The following DHX35 variants were observed in gnomAD, a reference collection of about 807,000 sequenced individuals.
The protein encoded by DHX35 is probable ATP-dependent RNA helicase DHX35.
DHX35 carries 84 observed loss-of-function variants against 99.6 expected under a neutral mutation model. The ratio of observed to expected loss-of-function variants is 0.84; its 90% CI spans 0.71 to 1.01. The LOEUF (loss-of-function observed/expected upper bound fraction) is 1.01. Ranked by LOEUF, DHX35 falls within the 50% of genes least tolerant of loss-of-function variation. The pLI, the probability that DHX35 is intolerant of heterozygous loss-of-function variation, is 0.00. For missense variants in DHX35, 852 were observed against 888.5 expected, an observed-to-expected ratio of 0.96 and a Z score of 0.52; for synonymous variants, 331 against 316.2, an observed-to-expected ratio of 1.05 and a Z score of -0.50.
At chr20:39,034,774 C>CTTTTTTTT (rs59858652) in intron 21 of DHX35, among the ~76,000 whole-genome samples, 4 of 135,104 alleles carry the variant, frequency 3.0e-5, no homozygotes, top group African/African-American at 5.4e-5. Context: ...TTTCTTTTTT[C>CTTTTTTTT]TTTTTTTTTT....
intron 20 of DHX35, among the ~76,000 whole-genome samples, chr20:39,032,550 G>GGT (rs1269317901): frequency 6.6e-6 from 1 of 152,160 alleles, no homozygotes; most frequent in Non-Finnish European, 1.5e-5. Flanking sequence ...AAAAGGGTGG[G>GGT]GTGTGTGTGA....
chr20:38,999,583 C>A (rs73908227), intron 8 of DHX35, among the ~76,000 whole-genome samples: 3,078 of 152,272 alleles, frequency 0.02, 113 homozygotes, highest in African/African-American at 0.071. Flanking sequence ...TTTTTATCCC[C>A]GGTCGAGTAA....
intron 3 of DHX35, among the ~76,000 whole-genome samples, chr20:38,974,979 G>A (rs1351764187): frequency 6.6e-6 from 1 of 152,212 alleles, no homozygotes; most frequent in Admixed American, 6.5e-5. Context: ...GGTTAAGGGT[G>A]TCTAAGGGTA....
At chr20:38,989,120 C>T in intron 5 of DHX35, among the ~76,000 whole-genome samples, 1 of 133,248 alleles carries the variant, frequency 7.5e-6, no homozygotes. Context: ...TTTTTTGAGA[C>T]AGAGTCTCTC....
intron 11 of DHX35, among the ~76,000 whole-genome samples, chr20:39,004,260 T>C (rs554880206): frequency 6.6e-6 from 1 of 152,204 alleles, no homozygotes; most frequent in Admixed American, 6.5e-5. Context: ...AGAGACGGGG[T>C]TTCACTAAGT....
chr20:39,019,997 C>A (rs2086847811), intron 15 of DHX35, among the ~76,000 whole-genome samples: 1 of 152,160 alleles, frequency 6.6e-6, no homozygotes, highest in Admixed American at 6.5e-5. Flanking sequence ...GTTTGTCTTT[C>A]TGTGCCTGCC....
intron 13 of DHX35, among the ~76,000 whole-genome samples, chr20:39,014,250 G>T (rs2086747161): frequency 6.6e-6 from 1 of 152,164 alleles, no homozygotes; most frequent in African/African-American, 2.4e-5. Flanking sequence ...TGGCACTTAG[G>T]TGCTCAGTCA....
At chr20:39,036,115 G>A (rs548149496) in intron 21 of DHX35, among the ~76,000 whole-genome samples, 58 of 152,278 alleles carry the variant, frequency 3.8e-4, no homozygotes, top group African/African-American at 1.3e-3. Context: ...ATGGTGCAGT[G>A]GTCAAAATGC....
At chr20:39,008,436 A>G (rs1312126323) in intron 12 of DHX35, among the ~76,000 whole-genome samples, 1 of 152,228 alleles carries the variant, frequency 6.6e-6, no homozygotes, top group East Asian at 1.9e-4. Flanking sequence ...AGCTCAAGTT[A>G]CTTTTAAAGA....
intron 4 of DHX35, among the ~76,000 whole-genome samples, chr20:38,987,950 C>T (rs1367901884): frequency 2.6e-5 from 4 of 152,178 alleles, no homozygotes; most frequent in Admixed American, 1.3e-4. Context: ...TTTTTGCCTT[C>T]GATGAGAAAA....
intron 8 of DHX35, among the ~76,000 whole-genome samples, chr20:39,000,115 A>G (rs2086494638): frequency 6.6e-6 from 1 of 152,126 alleles, no homozygotes; most frequent in Non-Finnish European, 1.5e-5. Context: ...ATACTGTGCT[A>G]TTGTCCTGGG....
At chr20:39,024,519 G>A (rs991873318) in intron 17 of DHX35, among the ~76,000 whole-genome samples, 6 of 152,258 alleles carry the variant, frequency 3.9e-5, no homozygotes, top group African/African-American at 9.6e-5. Flanking sequence ...TGAGACTTAC[G>A]GCTTAAATCA....
intron 15 of DHX35, among the ~76,000 whole-genome samples, chr20:39,020,607 T>C (rs1461275028): frequency 6.6e-6 from 1 of 151,316 alleles, no homozygotes; most frequent in African/African-American, 2.4e-5. Context: ...TAACTAATTA[T>C]GTTTTGGAAC....
chr20:39,025,465 G>A, intron 18 of DHX35, 106 bp downstream of exon 18: 1 of 1,318,026 alleles, frequency 7.6e-7, no homozygotes. Flanking sequence ...GGCGTGCTCT[G>A]TACCAACACT....
chr20:38,983,452 G>C (rs1236189617), intron 3 of DHX35, among the ~76,000 whole-genome samples: 2 of 152,118 alleles, frequency 1.3e-5, no homozygotes, highest in African/African-American at 2.4e-5. Flanking sequence ...CCAGGACTGG[G>C]GTGTCAGAAT....
At chr20:39,028,629 C>A in intron 19 of DHX35, 130 bp downstream of exon 19, 1 of 1,063,498 alleles carries the variant, frequency 9.4e-7, no homozygotes, top group Non-Finnish European at 1.4e-6. Flanking sequence ...CCTTCCAAAA[C>A]TGAGTTGAGG....
chr20:39,033,211 G>C (rs1289181701), intron 20 of DHX35, among the ~76,000 whole-genome samples: 1 of 152,102 alleles, frequency 6.6e-6, no homozygotes, highest in Non-Finnish European at 1.5e-5. Flanking sequence ...ACTCTAGCCT[G>C]GGTGACAGAG....
rs569366120 is a variant in DHX35 at position 39,028,178 on chromosome 20, G to T, written c.1802-240G>T. ...TTAGGGGAGGTTGGAGGGGTCCCAG[G>T]TTCAAGGAGCAGACCAGCATTGTTG... is the stretch of plus-strand genomic sequence containing the variant. On this transcript the variant is annotated intron_variant, in intron 18 of 21. Coordinates refer to ENST00000252011, the MANE Select transcript of DHX35 (RefSeq NM_021931.4). Among the ~76,000 whole-genome samples the T allele has an allele frequency of 4.6e-5, 7 of 152,298 alleles. No individual in the cohort carries two copies. The South Asian group carries it at 8.3e-4, about 18-fold the overall frequency.
intron 3 of DHX35, among the ~76,000 whole-genome samples, chr20:38,981,913 C>T (rs1028342923): frequency 4.8e-5 from 7 of 146,674 alleles, no homozygotes; most frequent in South Asian, 2.1e-4. Flanking sequence ...CATTGCACTC[C>T]AGCCTGGGCA....
Sources: allele counts gnomAD v4.1 joint callset (sites outside exome capture counted in the v4.1 genomes callset), GRCh38; gene constraint gnomAD v4.1.1; transcripts MANE v1.5; gene names NCBI Gene and HGNC (gene_info 2026-07-23, HGNC 2026-07-21).